SLC9A9: variants seen among roughly 807,000 people sequenced by gnomAD.
SLC9A9 encodes the protein solute carrier family 9 member A9.
In SLC9A9, 62 loss-of-function variants were observed where a neutral mutation model predicts 77.8. That is an observed-to-expected ratio of 0.80 (90% CI 0.65 to 0.98). SLC9A9 has a LOEUF of 0.98. Among genes scored for constraint, SLC9A9 ranks in the 50% least tolerant of loss-of-function variants. The pLI is 0.00. For missense variants in SLC9A9, 775 were observed against 774.9 expected (o/e 1.00, Z 0.00); for synonymous variants, 320 against 283.5 (o/e 1.13, Z -1.29).
intron 4 of SLC9A9, among the ~76,000 whole-genome samples, chr3:143,696,819 T>C (rs1933655032): frequency 6.6e-6 from 1 of 152,094 alleles, no homozygotes; most frequent in Non-Finnish European, 1.5e-5. Flanking sequence ...ACTACCAAGG[T>C]ATGGCAGGGT....
Position 143,382,049 on chromosome 3 carries a change from C to T in SLC9A9, c.1524+11G>A, listed in dbSNP as rs200607590. Reference sequence around the variant, plus strand: ...ATCTCTATATAATGTGCATTGGTTTCTTTGACTTGCCTGGTGTTGTGAGGA... The same window carrying T: ...ATCTCTATATAATGTGCATTGGTTTTTTTGACTTGCCTGGTGTTGTGAGGA... On this transcript the variant is annotated intron_variant, in intron 13 of 15. Transcript: ENST00000316549. 7.4e-6 allele frequency: 12 copies of T among 1,614,086 alleles called. No individual in the cohort carries two copies. In the Admixed American group the frequency reaches 1.2e-4, roughly 16 times the overall value.
intron 11 of SLC9A9, among the ~76,000 whole-genome samples, chr3:143,483,697 G>T (rs995602622): frequency 6.6e-6 from 1 of 152,276 alleles, no homozygotes; most frequent in South Asian, 2.1e-4. Flanking sequence ...ACTTCACAGA[G>T]AATCCACTTC....
At chr3:143,567,104 G>A (rs2037181071) in intron 8 of SLC9A9, among the ~76,000 whole-genome samples, 1 of 152,070 alleles carries the variant, frequency 6.6e-6, no homozygotes, top group African/African-American at 2.4e-5. Flanking sequence ...CCAAAATTAG[G>A]TAGTCGTGTA....
At chr3:143,686,458 G>A (rs1003849177) in intron 5 of SLC9A9, among the ~76,000 whole-genome samples, 4 of 152,114 alleles carry the variant, frequency 2.6e-5, no homozygotes, top group Admixed American at 1.3e-4. Flanking sequence ...GCAAGGGGGT[G>A]CAGTATTTAA....
intron 2 of SLC9A9, among the ~76,000 whole-genome samples, chr3:143,828,052 T>C (rs540067382): frequency 3.0e-4 from 46 of 152,252 alleles, no homozygotes; most frequent in African/African-American, 1.1e-3. Context: ...TAGTGTGGGG[T>C]ATAATAATTT....
chr3:143,631,710 C>A (rs2038425325), intron 6 of SLC9A9, among the ~76,000 whole-genome samples: 2 of 151,902 alleles, frequency 1.3e-5, no homozygotes, highest in Non-Finnish European at 2.9e-5. Flanking sequence ...TTAATGCCAG[C>A]TTAATTGTTG....
chr3:143,366,123 AC>A (rs1276879314), intron 13 of SLC9A9, among the ~76,000 whole-genome samples: 3 of 152,186 alleles, frequency 2.0e-5, no homozygotes, highest in African/African-American at 7.2e-5. Flanking sequence ...GGTGAGCTAT[AC>A]TGGCAATCAG....
At chr3:143,685,367 G>A (rs957513119) in intron 5 of SLC9A9, among the ~76,000 whole-genome samples, 24 of 151,794 alleles carry the variant, frequency 1.6e-4, no homozygotes, top group Admixed American at 1.2e-3. Flanking sequence ...GTATCATGTC[G>A]GATACAGCAA....
chr3:143,707,575 T>C (rs957020843), intron 4 of SLC9A9, among the ~76,000 whole-genome samples: 9 of 152,176 alleles, frequency 5.9e-5, no homozygotes, highest in African/African-American at 1.9e-4. Context: ...ACTATGTTCA[T>C]TGTTCCTGAT....
chr3:143,796,753 AAC>A (rs1487143683), intron 3 of SLC9A9, 71 bp downstream of exon 3: 2 of 1,056,188 alleles, frequency 1.9e-6, no homozygotes, highest in African/African-American at 3.2e-5. Flanking sequence ...CCATAAAAAT[AAC>A]AGTTTCTCAT....
chr3:143,335,917 ATCT>A (rs1399546616), intron 14 of SLC9A9, among the ~76,000 whole-genome samples: 4 of 152,212 alleles, frequency 2.6e-5, no homozygotes, highest in Non-Finnish European at 4.4e-5. Flanking sequence ...ATGGTACTAC[ATCT>A]TCTACATAAA....
intron 5 of SLC9A9, among the ~76,000 whole-genome samples, chr3:143,687,411 T>C (rs571848098): frequency 1.3e-5 from 2 of 152,278 alleles, no homozygotes; most frequent in African/African-American, 4.8e-5. Context: ...TTGTTGAAGA[T>C]CTTAAATTGC....
chr3:143,839,501 TACACACACACACACACACAC>T (rs57906338), intron 1 of SLC9A9, among the ~76,000 whole-genome samples: 1 of 150,134 alleles, frequency 6.7e-6, no homozygotes, highest in Non-Finnish European at 1.5e-5. Flanking sequence ...ACAACACACA[TACACACACACACACACACAC>T]ACACACATCA....
chr3:143,744,365 T>C lies in SLC9A9; in HGVS notation c.533+50636A>G, dbSNP rs929058631. On this transcript the variant is annotated intron_variant, in intron 4 of 15. Transcript: ENST00000316549. The stretch of plus-strand genomic sequence containing the variant: ...AGACATCCCTCGTGGTGCCTCTTGA[T>C]TGGGAGACTGACTCTCAAAGAGGCT... Among the ~76,000 whole-genome samples, 3 of 152,136 alleles carry C rather than the reference T, an allele frequency of 2.0e-5. No homozygotes were observed. In the South Asian group the frequency reaches 6.2e-4, roughly 32 times the overall value.
At chr3:143,284,136 A>G (rs1289552788) in intron 14 of SLC9A9, among the ~76,000 whole-genome samples, 1 of 152,108 alleles carries the variant, frequency 6.6e-6, no homozygotes, top group Non-Finnish European at 1.5e-5. Flanking sequence ...AAGCAAGAGA[A>G]AGCATCGAGT....
chr3:143,587,595 G>A (rs1294248454), intron 6 of SLC9A9, among the ~76,000 whole-genome samples: 1 of 152,250 alleles, frequency 6.6e-6, no homozygotes, highest in African/African-American at 2.4e-5. Context: ...CCGGGCCAGG[G>A]CCATGTCTTA....
intron 14 of SLC9A9, among the ~76,000 whole-genome samples, chr3:143,351,174 A>G (rs2032444030): frequency 6.6e-6 from 1 of 152,240 alleles, no homozygotes; most frequent in African/African-American, 2.4e-5. Context: ...AACAAGTTTT[A>G]TGAAACAAAA....
chr3:143,404,999 T>A (rs566759365), intron 12 of SLC9A9, among the ~76,000 whole-genome samples: 119 of 152,214 alleles, frequency 7.8e-4, no homozygotes, highest in Non-Finnish European at 1.4e-3. Context: ...GATCTTTGTG[T>A]GGCTTGGGGA....
chr3:143,407,884 G>GT (rs2034012502), intron 12 of SLC9A9, among the ~76,000 whole-genome samples: 1 of 152,164 alleles, frequency 6.6e-6, no homozygotes, highest in African/African-American at 2.4e-5. Flanking sequence ...TTGAGCTACC[G>GT]TAACAAATTA....
Sources: allele counts gnomAD v4.1 joint callset (sites outside exome capture counted in the v4.1 genomes callset), GRCh38; gene constraint gnomAD v4.1.1; transcripts MANE v1.5; gene names NCBI Gene and HGNC (gene_info 2026-07-23, HGNC 2026-07-21).